PTPRM: variants seen among roughly 807,000 people sequenced by gnomAD.
PTPRM encodes receptor-type tyrosine-protein phosphatase mu.
A neutral mutation model predicts 186.7 loss-of-function variants in PTPRM; 47 were observed. That is an observed-to-expected ratio of 0.25 (90% CI 0.20 to 0.32). PTPRM has a LOEUF of 0.32. Ranked by LOEUF, PTPRM falls within the 10% of genes least tolerant of loss-of-function variation. The pLI is 1.00. For synonymous variants in PTPRM, 668 were observed against 674.9 expected (o/e 0.99, Z 0.16); for missense variants, 1,494 against 1,865.0 (o/e 0.80, Z 3.66).
intron 28 of PTPRM, among the ~76,000 whole-genome samples, chr18:8,379,733 C>A (rs1598513118): frequency 6.6e-6 from 1 of 152,172 alleles, no homozygotes; most frequent in East Asian, 1.9e-4. Flanking sequence ...TTACTTCCTG[C>A]CAGTCTGTTT....
intron 24 of PTPRM, 147 bp downstream of exon 24, chr18:8,371,153 T>C (rs2148457293): frequency 4.0e-6 from 2 of 502,482 alleles, no homozygotes; most frequent in Non-Finnish European, 3.5e-6. Context: ...TGCATCTTGC[T>C]CTCTGATTCT....
intron 2 of PTPRM, among the ~76,000 whole-genome samples, chr18:7,810,550 G>T (rs1326693295): frequency 6.6e-6 from 1 of 152,106 alleles, no homozygotes; most frequent in Non-Finnish European, 1.5e-5. Context: ...GAGTTGCAAT[G>T]GAAATAACCT....
At chr18:7,754,112 G>A (rs2041353462) in intron 1 of PTPRM, among the ~76,000 whole-genome samples, 1 of 152,174 alleles carries the variant, frequency 6.6e-6, no homozygotes, top group African/African-American at 2.4e-5. Context: ...AGAACTTCTT[G>A]TTGAATATAG....
At chr18:8,191,827 T>C (rs62091286) in intron 14 of PTPRM, among the ~76,000 whole-genome samples, 8,231 of 152,042 alleles carry the variant, frequency 0.054, 257 homozygotes, top group South Asian at 0.14. Flanking sequence ...ATAGAATATA[T>C]GAAACAAGCT....
chr18:7,853,006 G>A (rs2046939614), intron 2 of PTPRM, among the ~76,000 whole-genome samples: 1 of 152,212 alleles, frequency 6.6e-6, no homozygotes, highest in South Asian at 2.1e-4. Flanking sequence ...ACACTGATAA[G>A]AGGTTCAATA....
intron 22 of PTPRM, among the ~76,000 whole-genome samples, chr18:8,333,314 A>G (rs1661546494): frequency 6.6e-6 from 1 of 152,236 alleles, no homozygotes; most frequent in African/African-American, 2.4e-5. Context: ...AAGTGATGTT[A>G]AGGATTATTA....
chr18:8,119,315 G>A (rs1345869891), intron 13 of PTPRM, among the ~76,000 whole-genome samples: 1 of 151,974 alleles, frequency 6.6e-6, no homozygotes, highest in African/African-American at 2.4e-5. Flanking sequence ...TCTGTTCACT[G>A]TTTTGTTCAA....
intron 13 of PTPRM, among the ~76,000 whole-genome samples, chr18:8,130,129 T>C (rs2092466714): frequency 6.6e-6 from 1 of 152,236 alleles, no homozygotes; most frequent in Non-Finnish European, 1.5e-5. Context: ...ATTGCTGCTG[T>C]TGTTTTTAAT....
chr18:8,066,310 C>T (rs1352922587), intron 7 of PTPRM, among the ~76,000 whole-genome samples: 1 of 152,150 alleles, frequency 6.6e-6, no homozygotes. Flanking sequence ...TACATGGTAG[C>T]ACATGGCATT....
At chr18:7,761,363 A>G (rs2041762812) in intron 1 of PTPRM, among the ~76,000 whole-genome samples, 1 of 152,224 alleles carries the variant, frequency 6.6e-6, no homozygotes, top group Non-Finnish European at 1.5e-5. Flanking sequence ...ATATGTAATT[A>G]TTGACATTCT....
At chr18:8,023,184 C>G (rs1378226670) in intron 7 of PTPRM, among the ~76,000 whole-genome samples, 1 of 151,818 alleles carries the variant, frequency 6.6e-6, no homozygotes, top group Non-Finnish European at 1.5e-5. Context: ...GCTACCCCAG[C>G]TAGGAAGGAA....
chr18:7,665,722 C>A (rs1026070356), intron 1 of PTPRM, among the ~76,000 whole-genome samples: 1 of 151,938 alleles, frequency 6.6e-6, no homozygotes, highest in Non-Finnish European at 1.5e-5. Flanking sequence ...GTCAGGAGAT[C>A]GAGACCATCC....
chr18:8,387,336 A>G, intron 31 of PTPRM, 101 bp downstream of exon 31: 1 of 1,255,284 alleles, frequency 8.0e-7, no homozygotes, highest in Non-Finnish European at 1.1e-6. Flanking sequence ...ATGGAGAAGA[A>G]ATAAGTAGGT....
In PTPRM at chr18:7,739,929, G is replaced by GA. The variant is rs201555091; in HGVS notation, c.74-34214dup. Reference sequence around the variant, plus strand: ...TGTATTTCCTGTCCTGTATTGACGTGAAAAAATGTCTTTTGTCTCTACTTA... The same window carrying GA: ...TGTATTTCCTGTCCTGTATTGACGTGAAAAAAATGTCTTTTGTCTCTACTTA... On this transcript the variant is annotated intron_variant, in intron 1 of 32. Transcript: ENST00000580170. Among the ~76,000 whole-genome samples the GA allele has an allele frequency of 4.7e-3, 711 of 152,270 alleles. 8 individuals are homozygous for GA. Among genetic ancestry groups the GA allele is most frequent in the Middle Eastern group, 0.02 (6 of 294 alleles).
At chr18:7,681,675 G>T (rs2039484442) in intron 1 of PTPRM, among the ~76,000 whole-genome samples, 1 of 152,018 alleles carries the variant, frequency 6.6e-6, no homozygotes, top group South Asian at 2.1e-4. Context: ...CTTCTAGATA[G>T]ATAGCTATAG....
At chr18:8,058,298 GTTGT>G (rs2088185746) in intron 7 of PTPRM, among the ~76,000 whole-genome samples, 1 of 5,014 alleles carries the variant, frequency 2.0e-4, no homozygotes, top group Non-Finnish European at 3.4e-4. Context: ...TTTTGATGGG[GTTGT>G]TTGTTTTTTT....
chr18:7,787,817 T>A (rs1207770429), intron 2 of PTPRM, among the ~76,000 whole-genome samples: 1 of 152,244 alleles, frequency 6.6e-6, no homozygotes. Context: ...GTGGGTAATA[T>A]CTACTTCTAT....
chr18:8,035,561 G>T (rs1327223196), intron 7 of PTPRM, among the ~76,000 whole-genome samples: 1 of 152,044 alleles, frequency 6.6e-6, no homozygotes, highest in East Asian at 1.9e-4. Flanking sequence ...TTTTTTATTT[G>T]TATTATTTTT....
rs74943591 is a variant in PTPRM at position 7,802,066 on chromosome 18, G to A, written c.196+27795G>A. 9.9e-3 allele frequency among the ~76,000 whole-genome samples: 1,511 copies of A among 152,246 alleles called. 20 individuals are homozygous for A. The highest frequency in any genetic ancestry group is 0.035 in the African/African-American group (1,444 of 41,534). On this transcript the variant is annotated intron_variant, in intron 2 of 32. Coordinates refer to ENST00000580170, the MANE Select transcript of PTPRM (RefSeq NM_001105244.2). The stretch of plus-strand genomic sequence containing the variant: ...GTCCTTCCTTCTCTTAGGGATAGCA[G>A]CCTTTGGGCAGAAGAACTTTCTCCT...
Sources: gnomAD v4.1 joint callset for allele counts (sites outside exome capture counted in the v4.1 genomes callset) on GRCh38, gnomAD v4.1.1 for gene constraint, MANE v1.5 for transcripts, NCBI Gene and HGNC (gene_info 2026-07-23, HGNC 2026-07-21) for gene names.